PCDH7: variants seen among roughly 807,000 people sequenced by gnomAD.
PCDH7 encodes protocadherin 7.
Under a neutral mutation model 58.9 loss-of-function variants are expected in PCDH7, and 17 were observed. That is an observed-to-expected ratio of 0.29 (90% CI 0.20 to 0.43). PCDH7 has a LOEUF of 0.43. Among genes scored for constraint, PCDH7 ranks in the 20% least tolerant of loss-of-function variants. The pLI is 1.00. For synonymous variants in PCDH7, 664 were observed against 616.4 expected (o/e 1.08, Z -1.14); for missense variants, 1,274 against 1,441.0 (o/e 0.88, Z 1.88).
intron 1 of PCDH7, among the ~76,000 whole-genome samples, chr4:30,819,629 C>G (rs573632103): frequency 6.6e-6 from 1 of 152,196 alleles, no homozygotes; most frequent in East Asian, 1.9e-4. Context: ...ATATGATAGT[C>G]TCTTGAATAA....
chr4:30,724,838 A>G, intron 1 of PCDH7: 1 of 1,319,268 alleles, frequency 7.6e-7, no homozygotes, highest in Non-Finnish European at 9.7e-7. Flanking sequence ...CAGAGTAGGC[A>G]GTGTTTGGCA....
intron 2 of PCDH7, among the ~76,000 whole-genome samples, chr4:30,941,426 G>A (rs4563460): frequency 0.48 from 73,147 of 151,716 alleles, 17,857 homozygotes; most frequent in African/African-American, 0.56. Flanking sequence ...AGACTGAAGC[G>A]TTTTTGACAA....
intron 1 of PCDH7, among the ~76,000 whole-genome samples, chr4:30,840,623 C>T (rs766881802): frequency 6.6e-6 from 1 of 151,854 alleles, no homozygotes; most frequent in Non-Finnish European, 1.5e-5. Context: ...TTTATAAAGC[C>T]CCAACTACGC....
At chr4:30,757,632 A>G (rs1719481143) in intron 1 of PCDH7, among the ~76,000 whole-genome samples, 1 of 152,142 alleles carries the variant, frequency 6.6e-6, no homozygotes, top group Non-Finnish European at 1.5e-5. Context: ...CTCAAATGTC[A>G]CTTCCTATGC....
chr4:30,865,789 A>T (rs1734804473), intron 1 of PCDH7, among the ~76,000 whole-genome samples: 2 of 152,098 alleles, frequency 1.3e-5, no homozygotes, highest in Admixed American at 1.3e-4. Flanking sequence ...ACTCTTAAGA[A>T]CCAGTGGAAG....
At chr4:30,922,485 A>C (rs536310042) in intron 2 of PCDH7, among the ~76,000 whole-genome samples, 1 of 152,228 alleles carries the variant, frequency 6.6e-6, no homozygotes, top group African/African-American at 2.4e-5. Context: ...TCACCTTTAA[A>C]ATAAGAAAGA....
intron 1 of PCDH7, among the ~76,000 whole-genome samples, chr4:30,882,336 C>G (rs1737088701): frequency 6.6e-6 from 1 of 151,908 alleles, no homozygotes; most frequent in Non-Finnish European, 1.5e-5. Flanking sequence ...GGTCATAGGT[C>G]ACTGCTGCCT....
chr4:31,035,713 C>T lies in PCDH7; in HGVS notation c.*7+85498C>T, dbSNP rs908173411. Among the ~76,000 whole-genome samples, 2 of 152,184 alleles carry T rather than the reference C, an allele frequency of 1.3e-5. 1 individual carries two copies. The highest frequency in any genetic ancestry group is 4.1e-4 in the South Asian group (2 of 4,834). On this transcript the variant is annotated intron_variant, in intron 3 of 3. Coordinates refer to the PCDH7 transcript ENST00000509759. ...GTGCCACCATGTAATTAAGCTACAA[C>T]TGATGACAAGTATCTGACATCAGAT...
intron 1 of PCDH7, among the ~76,000 whole-genome samples, chr4:30,886,760 T>C (rs2109377919): frequency 6.6e-6 from 1 of 151,496 alleles, no homozygotes; most frequent in Non-Finnish European, 1.5e-5. Context: ...TAAGAAAATG[T>C]GGCACATATA....
intron 3 of PCDH7, among the ~76,000 whole-genome samples, chr4:31,123,947 C>A (rs1467888759): frequency 1.3e-5 from 2 of 152,158 alleles, no homozygotes; most frequent in African/African-American, 4.8e-5. Flanking sequence ...CAATGTCCAG[C>A]TGCCTCTTCT....
chr4:30,762,941 A>G (rs1720213831), intron 1 of PCDH7, among the ~76,000 whole-genome samples: 1 of 152,214 alleles, frequency 6.6e-6, no homozygotes, highest in South Asian at 2.1e-4. Context: ...AGCAATTTAA[A>G]TATAAATATA....
At chr4:30,861,860 T>A (rs886173682) in intron 1 of PCDH7, among the ~76,000 whole-genome samples, 56 of 152,134 alleles carry the variant, frequency 3.7e-4, no homozygotes, top group African/African-American at 1.3e-3. Context: ...TAGAGCACCT[T>A]GTTAGCCTTT....
intron 3 of PCDH7, among the ~76,000 whole-genome samples, chr4:30,982,351 G>C (rs1434969575): frequency 6.6e-6 from 1 of 152,088 alleles, no homozygotes; most frequent in Non-Finnish European, 1.5e-5. Flanking sequence ...AGCATTTTCA[G>C]CCAGTTCTCT....
At chr4:30,950,195 G>T (rs1747211202) in exon 3 of PCDH7, 1 of 152,490 alleles carries the variant, frequency 6.6e-6, no homozygotes. Context: ...GTGCTGTTAA[G>T]GCCTCTCCAT....
intron 3 of PCDH7, among the ~76,000 whole-genome samples, chr4:31,001,520 C>G (rs1752363632): frequency 6.6e-6 from 1 of 152,002 alleles, no homozygotes; most frequent in Non-Finnish European, 1.5e-5. Flanking sequence ...AGCTACACAT[C>G]TAATGTGTTT....
At position 30,743,716 on chromosome 4, in the gene PCDH7, T is replaced by C. The variant is rs137925669; in HGVS notation, c.70+19120T>C. The stretch of plus-strand genomic sequence containing the variant: ...CTTCAATCCTTCTTCTCAATCTTTC[T>C]CTCTCATACATACACACACACACAC... On this transcript the variant is annotated intron_variant, in intron 1 of 3. Coordinates refer to the PCDH7 transcript ENST00000509759. 6.2e-3 allele frequency among the ~76,000 whole-genome samples: 942 copies of C among 151,494 alleles called. 6 individuals carry two copies. Among genetic ancestry groups the C allele is most frequent in the Middle Eastern group, 0.01 (3 of 292 alleles).
intron 2 of PCDH7, among the ~76,000 whole-genome samples, chr4:30,948,324 C>T (rs951455913): frequency 6.6e-6 from 1 of 151,096 alleles, no homozygotes; most frequent in South Asian, 2.1e-4. Context: ...ATGCTAGATG[C>T]AAGATCTGGC....
intron 1 of PCDH7, among the ~76,000 whole-genome samples, chr4:30,874,817 T>G (rs1303575327): frequency 6.6e-6 from 1 of 152,062 alleles, no homozygotes; most frequent in Non-Finnish European, 1.5e-5. Context: ...AGACCATTAC[T>G]TAACTACCTC....
intron 3 of PCDH7, among the ~76,000 whole-genome samples, chr4:31,089,783 A>T (rs533132912): frequency 2.0e-5 from 3 of 152,136 alleles, no homozygotes; most frequent in Non-Finnish European, 2.9e-5. Context: ...GAGAAGTAAC[A>T]TTATATTCAG....
Sources: allele counts gnomAD v4.1 joint callset (sites outside exome capture counted in the v4.1 genomes callset), GRCh38; gene constraint gnomAD v4.1.1; transcripts MANE v1.5; gene names NCBI Gene and HGNC (gene_info 2026-07-23, HGNC 2026-07-21).